ANKRD44: variants seen among roughly 807,000 people sequenced by gnomAD.
ANKRD44 encodes the protein serine/threonine-protein phosphatase 6 regulatory ankyrin repeat subunit B.
Under a neutral mutation model 116.0 loss-of-function variants are expected in ANKRD44, and 35 were observed. That is an observed-to-expected ratio of 0.30 (90% CI 0.23 to 0.40). The LOEUF (loss-of-function observed/expected upper bound fraction) is 0.40, where lower values mean the gene tolerates loss of function less well. Ranked by LOEUF, ANKRD44 falls within the 10% of genes least tolerant of loss-of-function variation. ANKRD44 has a pLI of 1.00. For missense variants in ANKRD44, 1,014 were observed against 1,242.6 expected, an observed-to-expected ratio of 0.82 and a Z score of 2.77; for synonymous variants, 435 against 461.8, an observed-to-expected ratio of 0.94 and a Z score of 0.74.
chr2:197,266,914 C>T (rs1413830064), intron 1 of ANKRD44, among the ~76,000 whole-genome samples: 3 of 151,998 alleles, frequency 2.0e-5, no homozygotes, highest in Admixed American at 6.6e-5. Flanking sequence ...AAAGCTTGAC[C>T]GTCTCAGGTC....
intron 18 of ANKRD44, among the ~76,000 whole-genome samples, chr2:197,009,674 T>C (rs1232043244): frequency 6.6e-6 from 1 of 152,132 alleles, no homozygotes; most frequent in African/African-American, 2.4e-5. Flanking sequence ...TGGCCCCAAG[T>C]GACATTTATT....
At chr2:197,081,119 A>G (rs2077784577) in intron 15 of ANKRD44, among the ~76,000 whole-genome samples, 1 of 152,166 alleles carries the variant, frequency 6.6e-6, no homozygotes, top group Admixed American at 6.5e-5. Flanking sequence ...TCTCTGTTAG[A>G]AGCCAGGGAG....
intron 1 of ANKRD44, among the ~76,000 whole-genome samples, chr2:197,255,598 G>A (rs1001705695): frequency 2.6e-5 from 4 of 152,228 alleles, no homozygotes; most frequent in African/African-American, 9.7e-5. Context: ...GTAAGTTATG[G>A]CCCCAAAACA....
intron 2 of ANKRD44, among the ~76,000 whole-genome samples, chr2:197,157,762 C>T (rs2079858424): frequency 6.7e-6 from 1 of 149,026 alleles, no homozygotes; most frequent in Non-Finnish European, 1.5e-5. Context: ...AAACCTTTGA[C>T]AAATGTGTAC....
chr2:197,018,389 C>T (rs963476277), intron 17 of ANKRD44, among the ~76,000 whole-genome samples: 3 of 152,160 alleles, frequency 2.0e-5, no homozygotes, highest in Admixed American at 6.6e-5. Context: ...AGTTAAATAG[C>T]TGCATGTCCC....
chr2:197,157,162 CTCTT>C (rs2079838603), intron 2 of ANKRD44, among the ~76,000 whole-genome samples: 1 of 112,606 alleles, frequency 8.9e-6, no homozygotes, highest in African/African-American at 2.8e-5. Flanking sequence ...CACATTCTCA[CTCTT>C]ACGTAAAGTA....
intron 1 of ANKRD44, among the ~76,000 whole-genome samples, chr2:197,266,084 G>C (rs148991430): frequency 1.3e-5 from 2 of 152,084 alleles, no homozygotes; most frequent in African/African-American, 4.8e-5. Flanking sequence ...ACATGAAGGC[G>C]TTGTGCTTTC....
chr2:197,297,212 G>T (rs982528307), intron 1 of ANKRD44, among the ~76,000 whole-genome samples: 1 of 152,072 alleles, frequency 6.6e-6, no homozygotes, highest in African/African-American at 2.4e-5. Context: ...CAAAATGAAA[G>T]AAAAATGTAA....
intron 1 of ANKRD44, among the ~76,000 whole-genome samples, chr2:197,217,896 T>C (rs1224689164): frequency 1.3e-5 from 2 of 152,140 alleles, no homozygotes; most frequent in African/African-American, 2.4e-5. Context: ...ATTGGAGCAA[T>C]TGGCCCCCAA....
intron 16 of ANKRD44, among the ~76,000 whole-genome samples, chr2:197,060,709 C>T (rs963918789): frequency 6.6e-6 from 1 of 152,210 alleles, no homozygotes; most frequent in African/African-American, 2.4e-5. Context: ...CAGCTCCTGG[C>T]AACCCCCATT....
intron 2 of ANKRD44, among the ~76,000 whole-genome samples, chr2:197,182,226 TTAAA>T (rs925730583): frequency 1.2e-4 from 19 of 152,326 alleles, no homozygotes; most frequent in African/African-American, 4.6e-4. Context: ...CTGCGTCGAT[TTAAA>T]TAGATTTCTC....
Position 196,988,187 on chromosome 2 carries a change from T to G in ANKRD44, c.*1404A>C. 1.0e-6 allele frequency: 1 copy of G among 984,790 alleles called. No homozygotes were observed. Among genetic ancestry groups the G allele is most frequent in the Non-Finnish European group, 1.2e-6 (1 of 829,334 alleles). 61.0% of individuals were successfully genotyped at this position (984,790 alleles called of 1,614,324 possible). On this transcript the variant is annotated 3_prime_UTR_variant, in exon 28 of 28. Transcript: ENST00000282272. Reference sequence around the variant, plus strand: ...CGACAGGAAAAATGTTAACGCTGCTTTGCCATTAAAGCAAGCATTTCATTT... The same window carrying G: ...CGACAGGAAAAATGTTAACGCTGCTGTGCCATTAAAGCAAGCATTTCATTT...
rs59331942 is a variant in ANKRD44, at chr2:197,081,245, C to T, written c.1538+400G>A. Among the ~76,000 whole-genome samples, 878 of 152,218 alleles carry T rather than the reference C, an allele frequency of 5.8e-3. 10 individuals carry two copies. Among genetic ancestry groups the T allele is most frequent in the African/African-American group, 0.02 (827 of 41,510 alleles). On this transcript the variant is annotated intron_variant, in intron 15 of 27. Transcript: ENST00000282272. ...GAAAGCACAAATGGTTATTTCACAC[C>T]GAAGTATTAAGACCTTTTAAAATAG...
chr2:197,202,258 C>G (rs1459979527), intron 1 of ANKRD44, among the ~76,000 whole-genome samples: 33 of 152,138 alleles, frequency 2.2e-4, no homozygotes, highest in Non-Finnish European at 1.5e-5. Flanking sequence ...CGCCAGGAGT[C>G]CTGGTCTACC....
chr2:196,986,533 C>T (rs539311736), downstream of ANKRD44: 98 of 231,180 alleles, frequency 4.2e-4, no homozygotes, highest in Non-Finnish European at 6.5e-4. Context: ...AAACATAAAT[C>T]GTGAATCTGG....
At chr2:197,168,190 A>G (rs1276826494) in intron 2 of ANKRD44, among the ~76,000 whole-genome samples, 1 of 152,222 alleles carries the variant, frequency 6.6e-6, no homozygotes, top group Admixed American at 6.5e-5. Flanking sequence ...CCCAGCTGAC[A>G]AGTCTTTCCA....
At chr2:197,118,637 GAGAAAGAAAGAAAGAA>G (rs71012953) in intron 8 of ANKRD44, among the ~76,000 whole-genome samples, 1 of 112,358 alleles carries the variant, frequency 8.9e-6, no homozygotes, top group African/African-American at 3.3e-5. Context: ...GAGAGAGAGA[GAGAAAGAAAGAAAGAA>G]AGAAAGAAAG....
chr2:197,023,708 A>G (rs1055217257), intron 17 of ANKRD44, among the ~76,000 whole-genome samples: 5 of 152,190 alleles, frequency 3.3e-5, no homozygotes, highest in Admixed American at 3.3e-4. Context: ...AACCCTCCAC[A>G]TAAGACTCTC....
At chr2:197,273,676 A>G (rs2082964064) in intron 1 of ANKRD44, among the ~76,000 whole-genome samples, 1 of 152,052 alleles carries the variant, frequency 6.6e-6, no homozygotes, top group Non-Finnish European at 1.5e-5. Flanking sequence ...TACATATCAG[A>G]TTCCCGAGGC....
Sources: gnomAD v4.1 joint callset for allele counts (sites outside exome capture counted in the v4.1 genomes callset) on GRCh38, gnomAD v4.1.1 for gene constraint, MANE v1.5 for transcripts, NCBI Gene and HGNC (gene_info 2026-07-23, HGNC 2026-07-21) for gene names.